Variants in TMEM272 observed in about 807,000 individuals in gnomAD.
The protein encoded by TMEM272 is long intergenic non-protein coding RNA 282.
Under a neutral mutation model 3.7 loss-of-function variants are expected in TMEM272, and 8 were observed. That is an observed-to-expected ratio of 2.17 (90% CI 1.27 to 3.91). The LOEUF (loss-of-function observed/expected upper bound fraction) is 3.91. Among genes scored for constraint, TMEM272 ranks in the 30% most tolerant of loss-of-function variants. TMEM272 has a pLI of 0.00. For missense variants in TMEM272, 166 were observed against 91.5 expected (o/e 1.81, Z -3.32); for synonymous variants, 63 against 39.8 (o/e 1.58, Z -2.20).
chr13:51,867,943 C>A, the TMEM272 span, among the ~76,000 whole-genome samples: 1 of 152,140 alleles, frequency 6.6e-6, no homozygotes, highest in Non-Finnish European at 1.5e-5. Context: ...AGAGATTCTG[C>A]CAAAGACAAA....
chr13:51,919,262 TAA>T, the TMEM272 span, among the ~76,000 whole-genome samples: 1 of 152,164 alleles, frequency 6.6e-6, no homozygotes, highest in Non-Finnish European at 1.5e-5. Flanking sequence ...ACACATATTT[TAA>T]ATATGTATAT....
At position 51,819,524 on chromosome 13, in the gene TMEM272, G is replaced by T. The variant is rs1436710712; in HGVS notation, c.202-2411C>A. On this transcript the variant is annotated intron_variant, in intron 4 of 4. Coordinates refer to ENST00000629372, the MANE Select transcript of TMEM272 (RefSeq NM_001351003.2). ...AAGGAACCAGCCCAAGGAAAGAGCC[G>T]TGGCAAGTGGGTCCCACTGCCCAGG... 4.6e-5 allele frequency among the ~76,000 whole-genome samples: 7 copies of T among 152,306 alleles called. 1 individual carries two copies. The East Asian group carries it at 1.3e-3, about 29-fold the overall frequency.
intron 4 of TMEM272, among the ~76,000 whole-genome samples, chr13:51,817,334 T>C (rs1474730788): frequency 6.6e-6 from 1 of 152,214 alleles, no homozygotes; most frequent in African/African-American, 2.4e-5. Context: ...AATGAAGGCA[T>C]AAATTCATCG....
At chr13:51,917,000 C>T in the TMEM272 span, among the ~76,000 whole-genome samples, 2 of 152,184 alleles carry the variant, frequency 1.3e-5, no homozygotes, top group African/African-American at 2.4e-5. Flanking sequence ...TTCCCTTATG[C>T]GGAGGAGGAC....
the TMEM272 span, among the ~76,000 whole-genome samples, chr13:51,915,785 G>A: frequency 1.3e-5 from 2 of 152,184 alleles, no homozygotes; most frequent in South Asian, 4.1e-4. Flanking sequence ...TAAAATCACT[G>A]ACACGTGGCC....
intron 2 of TMEM272, among the ~76,000 whole-genome samples, chr13:51,827,751 G>A (rs868738052): frequency 2.0e-5 from 3 of 152,110 alleles, no homozygotes; most frequent in Admixed American, 6.6e-5. Context: ...TCCCCATTCT[G>A]CTGTGCCGTT....
At chr13:51,910,644 T>C in the TMEM272 span, 9 of 517,036 alleles carry the variant, frequency 1.7e-5, no homozygotes, top group Non-Finnish European at 3.3e-5. Context: ...GCTCTGGCAG[T>C]GGCCAAAGTA....
At chr13:51,865,904 G>A in the TMEM272 span, 1 of 1,613,946 alleles carries the variant, frequency 6.2e-7, no homozygotes, top group East Asian at 2.2e-5. Context: ...GGGGGAGAAA[G>A]CCCTGTGGGA....
At chr13:51,841,713 C>A (rs893034100) in intron 1 of TMEM272, among the ~76,000 whole-genome samples, 3 of 152,160 alleles carry the variant, frequency 2.0e-5, no homozygotes, top group Non-Finnish European at 2.9e-5. Context: ...TAATATCAGA[C>A]CACAAGAGGT....
chr13:51,912,542 G>A, the TMEM272 span, among the ~76,000 whole-genome samples: 43 of 152,174 alleles, frequency 2.8e-4, no homozygotes, highest in Admixed American at 3.9e-4. Context: ...CCCTCTAAAC[G>A]CCTTTCTCTT....
the TMEM272 span, chr13:51,909,278 C>T: frequency 9.7e-7 from 1 of 1,035,838 alleles, no homozygotes; most frequent in Non-Finnish European, 1.5e-6. Context: ...ATATAATCTT[C>T]CCTTGATAAA....
intron 3 of TMEM272, 73 bp from the exon 4 acceptor site, chr13:51,822,210 G>A (rs1409183323): frequency 3.2e-6 from 2 of 631,792 alleles, no homozygotes; most frequent in Non-Finnish European, 5.7e-6. Flanking sequence ...GAAAATGAGT[G>A]GAACACCTTC....
At chr13:51,826,850 C>A in intron 2 of TMEM272, among the ~76,000 whole-genome samples, 1 of 152,148 alleles carries the variant, frequency 6.6e-6, no homozygotes, top group Admixed American at 6.5e-5. Flanking sequence ...ATCACTTTGC[C>A]GATGCCAAGG....
the TMEM272 span, among the ~76,000 whole-genome samples, chr13:51,917,181 G>A: frequency 1.3e-5 from 2 of 152,280 alleles, no homozygotes; most frequent in South Asian, 4.1e-4. Flanking sequence ...CAGGGCAACC[G>A]TTCCTTCCTC....
At chr13:51,857,310 T>A in the TMEM272 span, among the ~76,000 whole-genome samples, 1 of 150,932 alleles carries the variant, frequency 6.6e-6, no homozygotes. Context: ...ACAAGACCCA[T>A]ACTAAAGAAT....
the TMEM272 span, among the ~76,000 whole-genome samples, chr13:51,929,838 A>AT: frequency 6.6e-6 from 1 of 152,258 alleles, no homozygotes; most frequent in Non-Finnish European, 1.5e-5. Flanking sequence ...GACAGGCAAG[A>AT]TGAGTGACAG....
chr13:51,892,191 G>A, the TMEM272 span, among the ~76,000 whole-genome samples: 3 of 152,294 alleles, frequency 2.0e-5, no homozygotes, highest in African/African-American at 7.2e-5. Context: ...ACTAGTCTCT[G>A]CCCCTCAGGG....
the TMEM272 span, among the ~76,000 whole-genome samples, chr13:51,906,918 C>A: frequency 1.3e-5 from 2 of 152,260 alleles, no homozygotes; most frequent in Admixed American, 6.5e-5. Flanking sequence ...GAACTCACTT[C>A]TTTCTGCTCT....
At chr13:51,878,290 C>T in the TMEM272 span, among the ~76,000 whole-genome samples, 3 of 152,060 alleles carry the variant, frequency 2.0e-5, no homozygotes, top group South Asian at 2.1e-4. Context: ...ATTAGCCAGG[C>T]GTCGTGGCAG....
Sources: gnomAD v4.1 joint callset for allele counts (sites outside exome capture counted in the v4.1 genomes callset) on GRCh38, gnomAD v4.1.1 for gene constraint, MANE v1.5 for transcripts, NCBI Gene and HGNC (gene_info 2026-07-23, HGNC 2026-07-21) for gene names.